COG5: variants seen among roughly 807,000 people sequenced by gnomAD.
The protein encoded by COG5 is conserved oligomeric Golgi complex subunit 5.
COG5 carries 86 observed loss-of-function variants against 110.4 expected under a neutral mutation model. The ratio of observed to expected loss-of-function variants is 0.78; its 90% confidence interval spans 0.65 to 0.93. COG5 has a LOEUF of 0.93. COG5 is among the 40% of genes least tolerant of loss of function. The pLI is 0.00. For missense variants in COG5, 1,077 were observed against 987.0 expected (o/e 1.09, Z -1.22); for synonymous variants, 360 against 334.6 (o/e 1.08, Z -0.83).
intron 16 of COG5, among the ~76,000 whole-genome samples, chr7:107,250,969 C>T (rs959347099): frequency 1.3e-5 from 2 of 151,762 alleles, no homozygotes; most frequent in Non-Finnish European, 2.9e-5. Context: ...CAAAACTACT[C>T]GGCAGGGAAA....
At chr7:107,302,718 T>C (rs1807379060) in intron 11 of COG5, among the ~76,000 whole-genome samples, 1 of 152,158 alleles carries the variant, frequency 6.6e-6, no homozygotes, top group Admixed American at 6.5e-5. Flanking sequence ...TTGAGAGATA[T>C]GGTAACATCA....
At chr7:107,496,022 TCCTC>T (rs1237595439) in intron 6 of COG5, among the ~76,000 whole-genome samples, 4 of 151,720 alleles carry the variant, frequency 2.6e-5, no homozygotes, top group Admixed American at 6.6e-5. Context: ...GCTCAAACGA[TCCTC>T]CCACCTTAGC....
chr7:107,419,333 C>T (rs372895317), intron 6 of COG5, among the ~76,000 whole-genome samples: 2 of 151,704 alleles, frequency 1.3e-5, no homozygotes, highest in East Asian at 1.9e-4. Context: ...TAAAAGCTCA[C>T]AATATATAAA....
At chr7:107,419,779 G>C (rs573767476) in intron 6 of COG5, among the ~76,000 whole-genome samples, 1 of 152,156 alleles carries the variant, frequency 6.6e-6, no homozygotes, top group African/African-American at 2.4e-5. Context: ...TTTTGGCCAG[G>C]CTAGTCTCGA....
At chr7:107,245,694 C>T (rs1459814841) in intron 17 of COG5, among the ~76,000 whole-genome samples, 1 of 152,140 alleles carries the variant, frequency 6.6e-6, no homozygotes, top group Non-Finnish European at 1.5e-5. Flanking sequence ...CTACAAAACA[C>T]TGCTCAAAGA....
chr7:107,340,994 C>A (rs969787186), intron 10 of COG5, among the ~76,000 whole-genome samples: 1 of 152,136 alleles, frequency 6.6e-6, no homozygotes, highest in Non-Finnish European at 1.5e-5. Flanking sequence ...ACTCTCACAA[C>A]TCCTATTCAA....
chr7:107,513,131 T>A (rs1026752500), intron 6 of COG5, among the ~76,000 whole-genome samples: 20 of 150,962 alleles, frequency 1.3e-4, no homozygotes, highest in African/African-American at 4.6e-4. Flanking sequence ...TGGGAGAAAA[T>A]TTTTGCAACC....
intron 6 of COG5, among the ~76,000 whole-genome samples, chr7:107,508,105 G>A (rs1347732345): frequency 6.6e-6 from 1 of 152,252 alleles, no homozygotes; most frequent in Non-Finnish European, 1.5e-5. Flanking sequence ...GAAGAGCAAG[G>A]GGTCAGGGAG....
At chr7:107,465,532 T>G (rs1796245415) in intron 6 of COG5, among the ~76,000 whole-genome samples, 1 of 152,216 alleles carries the variant, frequency 6.6e-6, no homozygotes, top group Non-Finnish European at 1.5e-5. Context: ...TCCAAACTGA[T>G]CTACAGATTC....
At chr7:107,374,192 T>C (rs188342561) in intron 7 of COG5, among the ~76,000 whole-genome samples, 377 of 152,244 alleles carry the variant, frequency 2.5e-3, no homozygotes, top group African/African-American at 8.4e-3. Context: ...TAAAAAATTA[T>C]TAACTGAAAA....
intron 7 of COG5, among the ~76,000 whole-genome samples, chr7:107,390,828 A>G (rs1365995929): frequency 6.6e-6 from 1 of 150,826 alleles, no homozygotes; most frequent in Non-Finnish European, 1.5e-5. Context: ...TCTCCAATCA[A>G]TAAGGCTTGA....
intron 6 of COG5, among the ~76,000 whole-genome samples, chr7:107,467,016 T>G (rs1216660427): frequency 6.6e-6 from 1 of 152,232 alleles, no homozygotes; most frequent in Non-Finnish European, 1.5e-5. Flanking sequence ...AATAGTACAA[T>G]GTAAATATAC....
At chr7:107,430,600 G>C (rs1389488316) in intron 6 of COG5, among the ~76,000 whole-genome samples, 1 of 152,146 alleles carries the variant, frequency 6.6e-6, no homozygotes, top group African/African-American at 2.4e-5. Context: ...TGGGTTGCTT[G>C]CATTCCAGTA....
intron 6 of COG5, among the ~76,000 whole-genome samples, chr7:107,414,932 T>C (rs567639760): frequency 6.6e-6 from 1 of 152,038 alleles, no homozygotes; most frequent in South Asian, 2.1e-4. Context: ...TTCACCATTT[T>C]GGCCAGGATG....
chr7:107,542,860 C>A (rs1802136519), intron 5 of COG5, among the ~76,000 whole-genome samples: 1 of 151,758 alleles, frequency 6.6e-6, no homozygotes, highest in Admixed American at 6.6e-5. Flanking sequence ...GTAATCCCAG[C>A]TACTTGGGAA....
At chr7:107,252,732 T>C (rs1212000405) in intron 16 of COG5, among the ~76,000 whole-genome samples, 1 of 152,100 alleles carries the variant, frequency 6.6e-6, no homozygotes, top group African/African-American at 2.4e-5. Context: ...GGGTAATACA[T>C]CATGACTAAG....
chr7:107,268,762 T>G (rs1191124564), intron 14 of COG5, among the ~76,000 whole-genome samples: 1 of 152,238 alleles, frequency 6.6e-6, no homozygotes, highest in Non-Finnish European at 1.5e-5. Flanking sequence ...GTTTTTTGAC[T>G]TAAGGTCTAT....
chr7:107,361,545 T>C (rs531693064), intron 10 of COG5, among the ~76,000 whole-genome samples: 1 of 152,248 alleles, frequency 6.6e-6, no homozygotes, highest in Admixed American at 6.5e-5. Context: ...TAAACAAATA[T>C]GATTACATTT....
At chr7:107,355,075 A>G (rs983862737) in intron 10 of COG5, among the ~76,000 whole-genome samples, 3 of 152,254 alleles carry the variant, frequency 2.0e-5, no homozygotes, top group Admixed American at 2.0e-4. Flanking sequence ...TATAACACAT[A>G]AAGATTATTA....
Sources: gnomAD v4.1 joint callset for allele counts (sites outside exome capture counted in the v4.1 genomes callset) on GRCh38, gnomAD v4.1.1 for gene constraint, MANE v1.5 for transcripts, NCBI Gene and HGNC (gene_info 2026-07-23, HGNC 2026-07-21) for gene names.